Variants in NEK10 observed in about 807,000 individuals in gnomAD.
The protein encoded by NEK10 is serine/threonine-protein kinase Nek10.
NEK10 carries 122 observed loss-of-function variants against 159.8 expected under a neutral mutation model. That is an observed-to-expected ratio of 0.76 (90% confidence interval 0.66 to 0.89). NEK10 has a LOEUF of 0.89. Among genes scored for constraint, NEK10 ranks in the 40% least tolerant of loss-of-function variants. NEK10 has a pLI of 0.00. For missense variants in NEK10, 1,342 were observed against 1,323.1 expected (o/e 1.01, Z -0.22); for synonymous variants, 466 against 457.1 (o/e 1.02, Z -0.25).
At chr3:27,280,958 T>TAC (rs1241901739) in intron 22 of NEK10, among the ~76,000 whole-genome samples, 1 of 151,672 alleles carries the variant, frequency 6.6e-6, no homozygotes, top group African/African-American at 2.4e-5. Context: ...TGCATATATA[T>TAC]ATATACCTTC....
At chr3:27,341,369 G>A (rs1267204699) in intron 5 of NEK10, among the ~76,000 whole-genome samples, 1 of 152,132 alleles carries the variant, frequency 6.6e-6, no homozygotes, top group Non-Finnish European at 1.5e-5. Context: ...ACATAGAACT[G>A]ACAAATCCTC....
intron 14 of NEK10, among the ~76,000 whole-genome samples, chr3:27,295,971 G>A (rs925920514): frequency 6.6e-6 from 1 of 151,780 alleles, no homozygotes; most frequent in African/African-American, 2.4e-5. Flanking sequence ...TAAAAACAAT[G>A]AGAGATTAAA....
At chr3:27,306,050 C>T (rs1346318665) in intron 11 of NEK10, among the ~76,000 whole-genome samples, 1 of 152,156 alleles carries the variant, frequency 6.6e-6, no homozygotes, top group African/African-American at 2.4e-5. Context: ...TAGCCTCCTC[C>T]CCAGGTCTAT....
intron 10 of NEK10, 62 bp downstream of exon 10, chr3:27,308,864 T>A (rs769056060): frequency 4.4e-5 from 31 of 709,192 alleles, no homozygotes; most frequent in Non-Finnish European, 6.9e-5. Flanking sequence ...TTATTTTGCA[T>A]CCTTACCACC....
At chr3:27,146,327 A>C (rs974411742) in intron 30 of NEK10, among the ~76,000 whole-genome samples, 13 of 152,220 alleles carry the variant, frequency 8.5e-5, no homozygotes, top group Admixed American at 6.5e-4. Flanking sequence ...AACCCAAAAA[A>C]GTGGGTTACA....
At chr3:27,278,020 C>A (rs1015373243) in intron 22 of NEK10, among the ~76,000 whole-genome samples, 10 of 152,186 alleles carry the variant, frequency 6.6e-5, no homozygotes, top group Admixed American at 5.9e-4. Flanking sequence ...AGATAGTAAA[C>A]ATTTTAGGCT....
At chr3:27,250,353 A>T (rs982796693) in intron 23 of NEK10, among the ~76,000 whole-genome samples, 33 of 151,810 alleles carry the variant, frequency 2.2e-4, no homozygotes, top group African/African-American at 8.0e-4. Context: ...TGCCCGGCTA[A>T]TTTTTTGTAT....
chr3:27,256,470 T>A (rs976615534), intron 22 of NEK10, 99 bp from the exon 23 acceptor site: 1 of 500,322 alleles, frequency 2.0e-6, no homozygotes, highest in Non-Finnish European at 3.4e-6. Context: ...CTACACTTCA[T>A]AACCAAAGGC....
intron 5 of NEK10, among the ~76,000 whole-genome samples, chr3:27,324,200 T>G (rs2045853392): frequency 6.6e-6 from 1 of 152,212 alleles, no homozygotes; most frequent in Admixed American, 6.5e-5. Flanking sequence ...CCACATCCAG[T>G]TATAGCTAGT....
At chr3:27,214,869 T>C (rs1951350219) in intron 23 of NEK10, 5 of 1,228,414 alleles carry the variant, frequency 4.1e-6, no homozygotes. Flanking sequence ...GAGTAAGCCA[T>C]TCCTAATCCC....
At chr3:27,172,990 A>C (rs949650588) in intron 28 of NEK10, among the ~76,000 whole-genome samples, 5 of 152,196 alleles carry the variant, frequency 3.3e-5, no homozygotes, top group African/African-American at 1.2e-4. Flanking sequence ...CAAGAAACAA[A>C]CATGGCTTTA....
intron 28 of NEK10, 133 bp from the exon 29 acceptor site, chr3:27,172,006 G>C (rs1031156061): frequency 2.1e-6 from 2 of 971,382 alleles, no homozygotes; most frequent in African/African-American, 3.3e-5. Flanking sequence ...TACACTGTTG[G>C]TGGGACTGTA....
Position 27,325,789 on chromosome 3 carries a change from G to A in NEK10, c.363-3528C>T, listed in dbSNP as rs183970459. On this transcript the variant is annotated intron_variant, in intron 5 of 35. Coordinates refer to ENST00000691995, the MANE Select transcript of NEK10 (RefSeq NM_001394966.1). Reference sequence around the variant, plus strand: ...TCCCCCAACAAGGCCTGGCTCTGTGGAGAGATGTTGAGTAAGATGTCCAAA... The same window carrying A: ...TCCCCCAACAAGGCCTGGCTCTGTGAAGAGATGTTGAGTAAGATGTCCAAA... 2.0e-5 allele frequency among the ~76,000 whole-genome samples: 3 copies of A among 152,316 alleles called. No individual in the cohort carries two copies. In the East Asian group the frequency reaches 5.8e-4, roughly 29 times the overall value.
At chr3:27,175,423 A>G (rs770860292) in intron 26 of NEK10, among the ~76,000 whole-genome samples, 4 of 152,222 alleles carry the variant, frequency 2.6e-5, no homozygotes, top group Non-Finnish European at 5.9e-5. Flanking sequence ...GGATGGATGC[A>G]TTTCCATTAT....
chr3:27,255,694 G>C (rs1021796811), intron 23 of NEK10, among the ~76,000 whole-genome samples: 4 of 152,078 alleles, frequency 2.6e-5, no homozygotes, highest in Non-Finnish European at 5.9e-5. Context: ...AACCCCCAAA[G>C]TATGCCAAAG....
chr3:27,344,229 T>C (rs371493948), intron 5 of NEK10, 43 bp downstream of exon 5: 599 of 886,080 alleles, frequency 6.8e-4, no homozygotes, highest in Non-Finnish European at 6.6e-4. Context: ...AGATGACATA[T>C]GCCACTCTTC....
intron 30 of NEK10, among the ~76,000 whole-genome samples, chr3:27,150,223 A>C (rs1035861511): frequency 5.3e-5 from 8 of 152,202 alleles, no homozygotes; most frequent in Non-Finnish European, 1.2e-4. Flanking sequence ...GCAAGGTAAG[A>C]TCTTCTTATG....
intron 23 of NEK10, among the ~76,000 whole-genome samples, chr3:27,247,731 T>C (rs1055512165): frequency 6.6e-6 from 1 of 151,958 alleles, no homozygotes; most frequent in South Asian, 2.1e-4. Context: ...GAGACAGGGT[T>C]TCGCCATGTT....
chr3:27,132,001 T>C lies in NEK10; in HGVS notation c.2971-11A>G. On this transcript the variant is annotated splice_polypyrimidine_tract_variant and intron_variant, in intron 31 of 35. Coordinates refer to ENST00000691995, the MANE Select transcript of NEK10 (RefSeq NM_001394966.1). ...CAAAGCTGGAGGAAGCTGCATAAAA[T>C]AAGAAAACAATCATTATAAACAAAT... is the stretch of plus-strand genomic sequence containing the variant. 2 of 1,487,736 alleles carry C rather than the reference T, an allele frequency of 1.3e-6. No homozygotes were observed. Among genetic ancestry groups the C allele is most frequent in the Non-Finnish European group, 1.9e-6 (2 of 1,068,414 alleles). 92.2% of individuals were successfully genotyped at this position (1,487,736 alleles called of 1,614,324 possible). A position where few individuals can be genotyped will look rare whatever the true frequency, so the allele number is the denominator to read the frequency against.
Sources: gnomAD v4.1 joint callset for allele counts (sites outside exome capture counted in the v4.1 genomes callset) on GRCh38, gnomAD v4.1.1 for gene constraint, MANE v1.5 for transcripts, NCBI Gene and HGNC (gene_info 2026-07-23, HGNC 2026-07-21) for gene names.